CA8: variants seen among roughly 807,000 people sequenced by gnomAD.
CA8 encodes the protein carbonic anhydrase 8 (inactive).
Under a neutral mutation model 41.4 loss-of-function variants are expected in CA8, and 22 were observed. The ratio of observed to expected loss-of-function variants is 0.53; its 90% CI spans 0.38 to 0.76. The LOEUF (loss-of-function observed/expected upper bound fraction) is 0.76, where lower values mean the gene tolerates loss of function less well. Ranked by LOEUF, CA8 falls within the 30% of genes least tolerant of loss-of-function variation. The probability of loss-of-function intolerance (pLI) is 0.00; values close to 1 mark genes in which losing one functional copy is unlikely to be tolerated. For missense variants in CA8, 270 were observed against 352.8 expected (o/e 0.77, Z 1.88); for synonymous variants, 121 against 130.6 (o/e 0.93, Z 0.50).
intron 7 of CA8, among the ~76,000 whole-genome samples, chr8:60,219,943 A>AAAC (rs528293112): frequency 0.026 from 3,610 of 141,440 alleles, 117 homozygotes; most frequent in Non-Finnish European, 0.037. Flanking sequence ...AAAAAAAAAA[A>AAAC]AAAAAAAAAA....
Position 60,185,992 on chromosome 8 carries a change from T to C in CA8, c.*4029A>G, listed in dbSNP as rs1470079853. The stretch of plus-strand genomic sequence containing the variant: ...ACCCAGAACATATACAAATGTGACA[T>C]ATTTGACAATGACAACACAAAGGAG... On this transcript the variant is annotated 3_prime_UTR_variant, in exon 9 of 9. Transcript: ENST00000317995. Among the ~76,000 whole-genome samples the C allele has an allele frequency of 6.6e-6, 1 of 152,112 alleles. No individual in the cohort carries two copies. The highest frequency in any genetic ancestry group is 1.5e-5 in the Non-Finnish European group (1 of 67,968).
At chr8:60,267,231 G>A (rs774836287) in intron 2 of CA8, among the ~76,000 whole-genome samples, 10 of 152,214 alleles carry the variant, frequency 6.6e-5, no homozygotes, top group Non-Finnish European at 1.2e-4. Context: ...AAATTAGGAA[G>A]AAGAACAAGG....
At chr8:60,215,376 C>CACACAT (rs1367907962) in intron 7 of CA8, among the ~76,000 whole-genome samples, 1 of 150,084 alleles carries the variant, frequency 6.7e-6, no homozygotes, top group Non-Finnish European at 1.5e-5. Context: ...CACACACACA[C>CACACAT]ACACACACCG....
At chr8:60,242,004 T>C (rs1808045256) in intron 3 of CA8, among the ~76,000 whole-genome samples, 1 of 152,164 alleles carries the variant, frequency 6.6e-6, no homozygotes, top group African/African-American at 2.4e-5. Context: ...GCAGCACTCA[T>C]CTCAACATTT....
intron 7 of CA8, among the ~76,000 whole-genome samples, chr8:60,211,039 CTG>C (rs1302176679): frequency 1.3e-5 from 2 of 152,222 alleles, no homozygotes; most frequent in African/African-American, 4.8e-5. Flanking sequence ...GCAGTGGACT[CTG>C]CACCCAAAGG....
chr8:60,264,748 AAC>A (rs1803846895), intron 3 of CA8: 1 of 152,250 alleles, frequency 6.6e-6, no homozygotes, highest in Non-Finnish European at 1.5e-5. Flanking sequence ...TTAAAACATG[AAC>A]ATTTCACTTC....
At chr8:60,260,427 G>A (rs1822554500) in intron 3 of CA8, among the ~76,000 whole-genome samples, 1 of 152,342 alleles carries the variant, frequency 6.6e-6, no homozygotes, top group Middle Eastern at 3.4e-3. Flanking sequence ...GAAGGTGAAA[G>A]CAGTCCCCTT....
At position 60,244,236 on chromosome 8, in the gene CA8, C is replaced by T. The variant is rs890186804; in HGVS notation, c.418-11857G>A. On this transcript the variant is annotated intron_variant, in intron 3 of 8. Transcript: ENST00000317995. Reference sequence around the variant, plus strand: ...ACTTGGCTGATTCCCATCACCAGTGCCTTAGTTTCAAGATCCATAATCTAT... The same window carrying T: ...ACTTGGCTGATTCCCATCACCAGTGTCTTAGTTTCAAGATCCATAATCTAT... Among the ~76,000 whole-genome samples the T allele has an allele frequency of 2.6e-5, 4 of 152,120 alleles. No individual in the cohort carries two copies. The East Asian group carries it at 5.8e-4, about 22-fold the overall frequency.
At position 60,188,180 on chromosome 8, in the gene CA8, A is replaced by T. The variant is rs1806014915; in HGVS notation, c.*1841T>A. 1 of 152,204 alleles carries T rather than the reference A, an allele frequency of 6.6e-6. No homozygotes were observed. 9.4% of individuals were successfully genotyped at this position (152,204 alleles called of 1,614,324 possible). On this transcript the variant is annotated 3_prime_UTR_variant, in exon 9 of 9. Transcript: ENST00000317995. ...CTTCAATATACAGACATAAACACAC[A>T]TACACACACACCTGTGAAGGGTGAA...
chr8:60,274,805 T>A (rs1563385982), intron 2 of CA8, among the ~76,000 whole-genome samples: 1 of 152,156 alleles, frequency 6.6e-6, no homozygotes, highest in Admixed American at 6.5e-5. Flanking sequence ...ATAAATTACC[T>A]ACTCCACAGT....
chr8:60,255,939 G>C (rs546297795), intron 3 of CA8, among the ~76,000 whole-genome samples: 1 of 143,386 alleles, frequency 7.0e-6, no homozygotes, highest in African/African-American at 2.6e-5. Context: ...ACAGAGTTTC[G>C]TTATTGTTGC....
rs1004538875 is a variant in CA8, at chr8:60,268,125, C to A, written c.293-2076G>T. On this transcript the variant is annotated intron_variant, in intron 2 of 8. Coordinates refer to ENST00000317995, the MANE Select transcript of CA8 (RefSeq NM_004056.6). ...GCAACAGTGGGACCCAAGGCCTCAA[C>A]AGGTGAGCTCTATAACTCCACTTCT... Among the ~76,000 whole-genome samples, 3 of 152,172 alleles carry A rather than the reference C, an allele frequency of 2.0e-5. No homozygotes were observed. The South Asian group carries it at 6.2e-4, about 32-fold the overall frequency.
rs1443678815 is a variant in CA8, at chr8:60,187,516, T to C, written c.*2505A>G. 6.6e-6 allele frequency: 1 copy of C among 151,898 alleles called. No homozygotes were observed. Among genetic ancestry groups the C allele is most frequent in the African/African-American group, 2.4e-5 (1 of 41,372 alleles). 9.4% of individuals were successfully genotyped at this position (151,898 alleles called of 1,614,324 possible). A position where few individuals can be genotyped will look rare whatever the true frequency, so the allele number is the denominator to read the frequency against. Reference sequence around the variant, plus strand: ...GAGCAGAGTTTGATGACATAGAGAATACAAACACAATAGAGAAAACCCCAA... The same window carrying C: ...GAGCAGAGTTTGATGACATAGAGAACACAAACACAATAGAGAAAACCCCAA... On this transcript the variant is annotated 3_prime_UTR_variant, in exon 9 of 9. Coordinates refer to ENST00000317995, the MANE Select transcript of CA8 (RefSeq NM_004056.6).
chr8:60,264,381 G>A (rs1803832635), intron 3 of CA8, among the ~76,000 whole-genome samples: 1 of 152,230 alleles, frequency 6.6e-6, no homozygotes, highest in African/African-American at 2.4e-5. Flanking sequence ...GAGGGAGGCA[G>A]GGCAAAGGCG....
chr8:60,277,898 A>G (rs906614512), intron 2 of CA8, among the ~76,000 whole-genome samples: 3 of 152,180 alleles, frequency 2.0e-5, no homozygotes, highest in Non-Finnish European at 2.9e-5. Flanking sequence ...GGGAATCTGA[A>G]GGAGGAAGGT....
At chr8:60,251,547 C>G (rs1243338141) in intron 3 of CA8, among the ~76,000 whole-genome samples, 1 of 152,218 alleles carries the variant, frequency 6.6e-6, no homozygotes, top group East Asian at 1.9e-4. Context: ...ATACGGGTCT[C>G]CTGAGCCTCA....
At chr8:60,230,556 C>G (rs756577094) in intron 4 of CA8, among the ~76,000 whole-genome samples, 2 of 152,002 alleles carry the variant, frequency 1.3e-5, no homozygotes, top group Non-Finnish European at 2.9e-5. Flanking sequence ...CCCGACCCCC[C>G]CGATGGATTT....
intron 3 of CA8, among the ~76,000 whole-genome samples, chr8:60,263,772 C>A (rs1803813830): frequency 6.6e-6 from 1 of 152,186 alleles, no homozygotes; most frequent in Non-Finnish European, 1.5e-5. Context: ...CTCCTCAGAA[C>A]CCACCTCAGT....
intron 5 of CA8, among the ~76,000 whole-genome samples, chr8:60,226,612 G>A (rs553769920): frequency 6.6e-6 from 1 of 152,258 alleles, no homozygotes; most frequent in African/African-American, 2.4e-5. Flanking sequence ...ATCATTGCTA[G>A]GAGAATTAGG....
Sources: gnomAD v4.1 joint callset for allele counts (sites outside exome capture counted in the v4.1 genomes callset) on GRCh38, gnomAD v4.1.1 for gene constraint, MANE v1.5 for transcripts, NCBI Gene and HGNC (gene_info 2026-07-23, HGNC 2026-07-21) for gene names.